The following MDH1B variants were observed in gnomAD, a reference collection of about 807,000 sequenced individuals.
The protein encoded by MDH1B is malate dehydrogenase 1B.
A neutral mutation model predicts 61.4 loss-of-function variants in MDH1B; 60 were observed. The ratio of observed to expected loss-of-function variants is 0.98; its 90% CI spans 0.79 to 1.21. MDH1B has a LOEUF of 1.21. Among genes scored for constraint, MDH1B ranks in the 50% most tolerant of loss-of-function variants. MDH1B has a pLI of 0.00. For synonymous variants in MDH1B, 236 were observed against 218.7 expected (o/e 1.08, Z -0.70); for missense variants, 587 against 632.1 (o/e 0.93, Z 0.76).
chr2:206,739,718 G>T, intron 10 of MDH1B, 57 bp from the exon 11 acceptor site: 1 of 1,502,546 alleles, frequency 6.7e-7, no homozygotes, highest in Non-Finnish European at 9.2e-7. Context: ...AATTTTTGCA[G>T]TTATTTCCAT....
chr2:206,757,979 C>T (rs1424720441), intron 2 of MDH1B, among the ~76,000 whole-genome samples: 1 of 152,180 alleles, frequency 6.6e-6, no homozygotes, highest in Non-Finnish European at 1.5e-5. Flanking sequence ...GTCTTAAAAA[C>T]CACGTCATTG....
chr2:206,741,166 C>T (rs902324186), intron 9 of MDH1B, 62 bp from the exon 10 acceptor site: 2 of 1,601,014 alleles, frequency 1.2e-6, no homozygotes, highest in Admixed American at 1.7e-5. Flanking sequence ...CTAACTAGGT[C>T]ATGAGATGTT....
intron 2 of MDH1B, among the ~76,000 whole-genome samples, chr2:206,759,911 T>C (rs1343339741): frequency 6.6e-6 from 1 of 152,162 alleles, no homozygotes; most frequent in Non-Finnish European, 1.5e-5. Context: ...AAATCTATAA[T>C]GGATGGTAGA....
chr2:206,756,851 A>G (rs1688787879), intron 4 of MDH1B, 47 bp downstream of exon 4: 3 of 1,599,102 alleles, frequency 1.9e-6, no homozygotes, highest in African/African-American at 2.7e-5. Flanking sequence ...TGTCCTTTCT[A>G]AATATAAAAA....
At position 206,765,265 on chromosome 2, in the gene MDH1B, T is replaced by C. The variant is rs776681867; in HGVS notation, c.7A>G (p.Lys3Glu). The change falls in exon 1 of 12, where the codon AAA (lysine) becomes GAA (glutamate). Residue 3 changes from lysine (K) to glutamate (E), a missense_variant. Coordinates refer to ENST00000374412, the MANE Select transcript of MDH1B (RefSeq NM_001039845.3). ...GATCACTCACCCGCGATGACGAATT[T>C]GGCCATGGTCGAGAGAGACTCAGAG... MA[K>E]FVIAGRADCP... The C allele has an allele frequency of 1.9e-6, 3 of 1,602,232 alleles. No homozygotes were observed. The highest frequency in any genetic ancestry group is 2.2e-5 in the South Asian group (2 of 89,532).
chr2:206,763,006 C>A lies in MDH1B; in HGVS notation c.23-1993G>T, dbSNP rs191403318. 3.3e-5 allele frequency among the ~76,000 whole-genome samples: 5 copies of A among 152,064 alleles called. No individual in the cohort carries two copies. In the East Asian group the frequency reaches 7.7e-4, roughly 23 times the overall value. ...TCTTTTTGGCCAATCTGCTTCATTC[C>A]CTTGGCTTCAAGTAGCAATCTATAT... On this transcript the variant is annotated intron_variant, in intron 1 of 11. Coordinates refer to ENST00000374412, the MANE Select transcript of MDH1B (RefSeq NM_001039845.3).
rs753206987 is a variant in MDH1B, at chr2:206,755,217, A to G, written c.702T>C (p.Pro234=). Residue 234 remains proline, a synonymous_variant, in exon 5 of 12, where the codon CCT becomes CCC. Transcript: ENST00000374412. ...TLEDCLRSRV[P]LCRLYGYLIE... ...TCAGGTACCCATAGAGCCTGCAGAG[A>G]GGCACCCTGCTTCGGAGGCAGTCCT... The G allele has an allele frequency of 6.2e-7, 1 of 1,614,172 alleles. No homozygotes were observed. Among genetic ancestry groups the G allele is most frequent in the Non-Finnish European group, 8.5e-7 (1 of 1,180,016 alleles).
At chr2:206,764,176 T>C (rs1689283266) in intron 1 of MDH1B, among the ~76,000 whole-genome samples, 1 of 152,010 alleles carries the variant, frequency 6.6e-6, no homozygotes, top group Admixed American at 6.6e-5. Context: ...TGTATGCCTG[T>C]AGTCCCAGCT....
At position 206,757,447 on chromosome 2, in the gene MDH1B, C is replaced by T. The variant is rs1574645219; in HGVS notation, c.136-76G>A. On this transcript the variant is annotated intron_variant, in intron 2 of 11. Transcript: ENST00000374412. ...TCAATTTCATACTTTAGAATTCAAACATTAAAATACTAGGTTGCTTTTAAT... is the reference window on the plus strand; with the variant it reads ...TCAATTTCATACTTTAGAATTCAAATATTAAAATACTAGGTTGCTTTTAAT... 13 of 1,434,908 alleles carry T rather than the reference C, an allele frequency of 9.1e-6. No individual in the cohort carries two copies. In the East Asian group the frequency reaches 2.7e-4, roughly 30 times the overall value. The allele number at this position is 1,434,908 out of a possible 1,614,324, so 88.9% of individuals were successfully genotyped here.
At chr2:206,758,810 T>C (rs1004907855) in intron 2 of MDH1B, among the ~76,000 whole-genome samples, 1 of 151,364 alleles carries the variant, frequency 6.6e-6, no homozygotes, top group African/African-American at 2.4e-5. Flanking sequence ...CGTGGTACTA[T>C]GGAAGGCTAG....
At chr2:206,759,188 C>T (rs1260709994) in intron 2 of MDH1B, among the ~76,000 whole-genome samples, 7 of 152,122 alleles carry the variant, frequency 4.6e-5, no homozygotes, top group African/African-American at 1.2e-4. Context: ...CCTGTGTCCA[C>T]GTGTTCTTAT....
chr2:206,741,530 C>T (rs1324660322), intron 9 of MDH1B: 1 of 199,442 alleles, frequency 5.0e-6, no homozygotes, highest in Non-Finnish European at 1.0e-5. Context: ...ATTGCCTAGC[C>T]TCCTAGCCTA....
chr2:206,764,767 C>G (rs1215137596), intron 1 of MDH1B, among the ~76,000 whole-genome samples: 1 of 152,136 alleles, frequency 6.6e-6, no homozygotes, highest in African/African-American at 2.4e-5. Flanking sequence ...CTGTTGTAGC[C>G]CCAGGTCCTG....
rs746667545 is a variant in MDH1B, at chr2:206,757,293, G to C, written c.214C>G (p.Arg72Gly). The C allele has an allele frequency of 1.2e-6, 2 of 1,613,852 alleles. No homozygotes were observed. Among genetic ancestry groups the C allele is most frequent in the South Asian group, 2.2e-5 (2 of 91,068 alleles). ...CCCAAAAGCAAACCCTTTCCTCCACGATCCAACAGCTCTCTCCAGATGATA... is the reference window on the plus strand; with the variant it reads ...CCCAAAAGCAAACCCTTTCCTCCACCATCCAACAGCTCTCTCCAGATGATA... The part of the protein sequence containing the change: ...SPIIWRELLD[R>G]GGKGLLLGGY... Residue 72 changes from arginine to glycine, a missense_variant, in exon 3 of 12, where the codon CGT (arginine) becomes GGT (glycine). Arg to Gly is a moderately radical substitution (Grantham distance 125, BLOSUM62 -2). Transcript: ENST00000374412.
chr2:206,761,544 T>C (rs948750855), intron 1 of MDH1B, among the ~76,000 whole-genome samples: 14 of 152,162 alleles, frequency 9.2e-5, no homozygotes, highest in African/African-American at 2.9e-4. Context: ...TTAACTTTAG[T>C]CAAGTGCAGT....
intron 9 of MDH1B, chr2:206,745,413 A>G (rs1438560142): frequency 1.5e-6 from 1 of 667,018 alleles, no homozygotes; most frequent in East Asian, 2.9e-5. Flanking sequence ...TTATAAGATC[A>G]TAGTGTTCAT....
intron 1 of MDH1B, among the ~76,000 whole-genome samples, chr2:206,761,403 A>G (rs943131107): frequency 1.3e-5 from 2 of 152,186 alleles, no homozygotes; most frequent in African/African-American, 4.8e-5. Context: ...GAGTGGTGGT[A>G]AAGTCACTTT....
At chr2:206,758,902 G>A (rs901814459) in intron 2 of MDH1B, among the ~76,000 whole-genome samples, 2 of 151,852 alleles carry the variant, frequency 1.3e-5, no homozygotes, top group African/African-American at 2.4e-5. Context: ...GCACTGGTGA[G>A]AGGGGTCCTG....
chr2:206,744,943 T>G (rs964837020), intron 9 of MDH1B, among the ~76,000 whole-genome samples: 37 of 145,636 alleles, frequency 2.5e-4, no homozygotes, highest in Admixed American at 1.2e-3. Context: ...AATAAATAAA[T>G]AAATAAAATA....
Sources: allele counts gnomAD v4.1 joint callset (sites outside exome capture counted in the v4.1 genomes callset), GRCh38; gene constraint gnomAD v4.1.1; transcripts MANE v1.5; gene names NCBI Gene and HGNC (gene_info 2026-07-23, HGNC 2026-07-21).